Variants in CRB1 observed in about 807,000 individuals in gnomAD.
CRB1 encodes protein crumbs homolog 1.
A neutral mutation model predicts 120.0 loss-of-function variants in CRB1; 83 were observed. That is an observed-to-expected ratio of 0.69 (90% CI 0.58 to 0.83). CRB1 has a LOEUF of 0.83. Ranked by LOEUF, CRB1 falls within the 40% of genes least tolerant of loss-of-function variation. The probability of loss-of-function intolerance (pLI) is 0.00; values close to 1 mark genes in which losing one functional copy is unlikely to be tolerated. For synonymous variants in CRB1, 625 were observed against 612.5 expected (o/e 1.02, Z -0.30); for missense variants, 1,699 against 1,687.6 (o/e 1.01, Z -0.12).
At chr1:197,451,376 A>G (rs1015983059) in intron 11 of CRB1, among the ~76,000 whole-genome samples, 2 of 152,198 alleles carry the variant, frequency 1.3e-5, no homozygotes, top group Non-Finnish European at 1.5e-5. Context: ...AGGGCTAAAT[A>G]ATTGGCCGAG....
rs192579355 is a variant in CRB1, at chr1:197,453,377, A to G, written c.4005+11085A>G. Among the ~76,000 whole-genome samples the G allele has an allele frequency of 8.9e-3, 1,311 of 147,522 alleles. 19 individuals are homozygous for G. The highest frequency in any genetic ancestry group is 0.03 in the African/African-American group (1,219 of 40,674). ...AAATTAATATACATAATTAAATTAT[A>G]TATAATTAAATTATATAACATACTT... On this transcript the variant is annotated intron_variant, in intron 11 of 11. Transcript: ENST00000367400.
intron 6 of CRB1, among the ~76,000 whole-genome samples, chr1:197,426,119 G>A (rs748835291): frequency 6.6e-6 from 1 of 151,836 alleles, no homozygotes; most frequent in East Asian, 1.9e-4. Flanking sequence ...TCTGCAAATA[G>A]AAAGTCCATG....
intron 5 of CRB1, among the ~76,000 whole-genome samples, chr1:197,392,657 C>T (rs974021653): frequency 3.9e-5 from 6 of 152,016 alleles, no homozygotes; most frequent in Non-Finnish European, 7.4e-5. Context: ...TTATAAGATG[C>T]AAAACATAAA....
chr1:197,269,846 T>C (rs981331141), intron 1 of CRB1, among the ~76,000 whole-genome samples: 2 of 152,194 alleles, frequency 1.3e-5, no homozygotes, highest in Non-Finnish European at 2.9e-5. Flanking sequence ...ATATATATCA[T>C]TTGTTTTTGC....
the CRB1 span, among the ~76,000 whole-genome samples, chr1:197,253,426 G>A: frequency 6.6e-6 from 1 of 151,966 alleles, no homozygotes; most frequent in Non-Finnish European, 1.5e-5. Context: ...TTTTAACACA[G>A]TGTATCATTA....
chr1:197,405,920 G>A (rs781137436), intron 5 of CRB1, among the ~76,000 whole-genome samples: 15 of 151,004 alleles, frequency 9.9e-5, no homozygotes, highest in South Asian at 2.1e-4. Flanking sequence ...GTCAGCCCCC[G>A]CCAGGCCAGC....
chr1:197,445,135 A>G (rs947665999), intron 11 of CRB1, among the ~76,000 whole-genome samples: 2 of 152,194 alleles, frequency 1.3e-5, no homozygotes, highest in Non-Finnish European at 1.5e-5. Flanking sequence ...CCATAGTTCA[A>G]CCTGGTTCTA....
intron 11 of CRB1, chr1:197,444,948 G>C (rs1019384217): frequency 6.7e-6 from 1 of 149,638 alleles, no homozygotes; most frequent in Non-Finnish European, 1.5e-5. Flanking sequence ...AGAAGTACTG[G>C]TACTGATCTT....
chr1:197,337,984 G>A (rs1558063308), intron 2 of CRB1, among the ~76,000 whole-genome samples: 1 of 151,624 alleles, frequency 6.6e-6, no homozygotes, highest in Non-Finnish European at 1.5e-5. Flanking sequence ...CATAATTATG[G>A]AAGTACGAAA....
chr1:197,353,216 A>G (rs1166687264), intron 4 of CRB1, among the ~76,000 whole-genome samples: 2 of 152,198 alleles, frequency 1.3e-5, no homozygotes, highest in African/African-American at 2.4e-5. Context: ...AATACAAGAT[A>G]AAGTCTGAAA....
At chr1:197,386,057 A>C (rs1037936985) in intron 5 of CRB1, among the ~76,000 whole-genome samples, 4 of 151,958 alleles carry the variant, frequency 2.6e-5, no homozygotes, top group Non-Finnish European at 5.9e-5. Flanking sequence ...CTAGGGGCTA[A>C]AACCGACATG....
chr1:197,362,202 A>G (rs1028303017), intron 5 of CRB1, among the ~76,000 whole-genome samples: 21 of 152,252 alleles, frequency 1.4e-4, no homozygotes, highest in African/African-American at 2.6e-4. Flanking sequence ...ATTAGAGAAC[A>G]CATTCTGTAT....
the CRB1 span, among the ~76,000 whole-genome samples, chr1:197,244,488 T>G: frequency 1.3e-5 from 2 of 152,082 alleles, no homozygotes; most frequent in Non-Finnish European, 2.9e-5. Context: ...GTTTTCTTAT[T>G]TGCTTTTCAC....
the CRB1 span, among the ~76,000 whole-genome samples, chr1:197,218,632 G>A: frequency 7.6e-4 from 116 of 152,248 alleles, 2 homozygotes; most frequent in East Asian, 0.022. Flanking sequence ...GGCTGTGTAC[G>A]TGTAAAAGTC....
chr1:197,391,525 A>G (rs1662505091), intron 5 of CRB1, among the ~76,000 whole-genome samples: 1 of 152,112 alleles, frequency 6.6e-6, no homozygotes, highest in African/African-American at 2.4e-5. Context: ...TTCAAATGGA[A>G]AAAAAATGTT....
At chr1:197,355,414 C>T (rs868443722) in intron 4 of CRB1, among the ~76,000 whole-genome samples, 6 of 152,230 alleles carry the variant, frequency 3.9e-5, no homozygotes, top group African/African-American at 1.2e-4. Flanking sequence ...AGCCCTTGGG[C>T]GGTTGATGGG....
chr1:197,242,708 C>T, the CRB1 span, among the ~76,000 whole-genome samples: 1 of 152,076 alleles, frequency 6.6e-6, no homozygotes, highest in African/African-American at 2.4e-5. Flanking sequence ...AGGGAGGAGT[C>T]CCTCTTTTTA....
chr1:197,395,326 A>C (rs879649059), intron 5 of CRB1, among the ~76,000 whole-genome samples: 15 of 152,160 alleles, frequency 9.9e-5, no homozygotes, highest in Non-Finnish European at 2.2e-4. Flanking sequence ...TAATATCTGA[A>C]ACTATTTGAA....
intron 11 of CRB1, among the ~76,000 whole-genome samples, chr1:197,453,352 A>G (rs1384430767): frequency 1.4e-5 from 2 of 147,498 alleles, no homozygotes; most frequent in Non-Finnish European, 3.0e-5. Flanking sequence ...TAGTATAATT[A>G]AATTAATATA....
Sources: gnomAD v4.1 joint callset for allele counts (sites outside exome capture counted in the v4.1 genomes callset) on GRCh38, gnomAD v4.1.1 for gene constraint, MANE v1.5 for transcripts, NCBI Gene and HGNC (gene_info 2026-07-23, HGNC 2026-07-21) for gene names.